HTT: variants seen among roughly 807,000 people sequenced by gnomAD.
The protein encoded by HTT is huntingtin, also known as huntington disease protein.
HTT carries 104 observed loss-of-function variants against 362.3 expected under a neutral mutation model. The observed-to-expected ratio is 0.29, with a 90% CI of 0.24 to 0.34. The LOEUF is 0.34. Among genes scored for constraint, HTT ranks in the 10% least tolerant of loss-of-function variants. The pLI is 1.00. For missense variants in HTT, 3,301 were observed against 3,928.6 expected, an observed-to-expected ratio of 0.84 and a Z score of 4.27; for synonymous variants, 1,577 against 1,548.7, an observed-to-expected ratio of 1.02 and a Z score of -0.43.
At chr4:3,113,101 G>A (rs1234873887) in intron 6 of HTT, 1 of 725,306 alleles carries the variant, frequency 1.4e-6, no homozygotes, top group Non-Finnish European at 1.7e-6. Flanking sequence ...CTAAAATACA[G>A]TATGCCTCCT....
chr4:3,086,875 G>A, intron 1 of HTT, 64 bp from the exon 2 acceptor site: 1 of 823,354 alleles, frequency 1.2e-6, no homozygotes, highest in Non-Finnish European at 2.1e-6. Flanking sequence ...AATGAATGAG[G>A]TGTAGAACTA....
chr4:3,213,337 A>C (rs1310794897), intron 49 of HTT, among the ~76,000 whole-genome samples: 3 of 152,230 alleles, frequency 2.0e-5, no homozygotes, highest in Non-Finnish European at 4.4e-5. Context: ...TTAGTGGGGA[A>C]GTGGGAAAGT....
chr4:3,172,638 G>A (rs1718047341), intron 30 of HTT, among the ~76,000 whole-genome samples: 1 of 152,144 alleles, frequency 6.6e-6, no homozygotes, highest in Admixed American at 6.5e-5. Context: ...CTGCAACCTC[G>A]CTAGTTAACT....
Position 3,131,348 on chromosome 4 carries a change from T to C in HTT, c.2049T>C (p.His683=). The change falls in exon 15 of 67, where the codon CAT becomes CAC. Residue 683 remains histidine (H), a synonymous_variant. Transcript: ENST00000355072. ...STDDDSAPLV[H]CVRLLSASFL... is the part of the protein sequence containing the mutation. ...ATGATGACTCTGCACCTCTTGTCCA[T>C]TGTGTCCGCCTTTTATCTGCTTCGT... 6.2e-7 allele frequency: 1 copy of C among 1,614,126 alleles called. No homozygotes were observed. Among genetic ancestry groups the C allele is most frequent in the Non-Finnish European group, 8.5e-7 (1 of 1,180,020 alleles).
intron 40 of HTT, among the ~76,000 whole-genome samples, chr4:3,191,218 T>A (rs911233323): frequency 6.6e-6 from 1 of 151,718 alleles, no homozygotes; most frequent in Admixed American, 6.6e-5. Context: ...TTGTTGCCCA[T>A]CCTGGAGTGC....
chr4:3,230,483 G>C (rs1020532013), intron 60 of HTT, among the ~76,000 whole-genome samples: 3 of 152,340 alleles, frequency 2.0e-5, no homozygotes, highest in Middle Eastern at 3.4e-3. Flanking sequence ...TCTCCTGGGG[G>C]CCGTTTTGTC....
At chr4:3,147,684 G>C (rs1006623443) in intron 25 of HTT, among the ~76,000 whole-genome samples, 1 of 152,144 alleles carries the variant, frequency 6.6e-6, no homozygotes, top group African/African-American at 2.4e-5. Context: ...GGACTGTAGG[G>C]AAGACACTGA....
chr4:3,174,834 C>T, intron 32 of HTT, 35 bp downstream of exon 32: 6 of 1,597,776 alleles, frequency 3.8e-6, no homozygotes, highest in South Asian at 2.2e-5. Context: ...TGAACTCAGG[C>T]GTGTCAGTGC....
chr4:3,121,367 A>G lies in HTT; in HGVS notation c.1208A>G (p.Gln403Arg), dbSNP rs768758343. The part of the protein sequence containing the change: ...QTLTAVGGIG[Q>R]LTAAKEESGG... ...CTGACCGCAGTCGGGGGCATTGGGC[A>G]GCTCACCGCTGCTAAGGAGGAGTCT... The change falls in exon 9 of 67, where the codon CAG (glutamine) becomes CGG (arginine). Residue 403 changes from glutamine to arginine, a missense_variant. This residue lies in a region of HTT where 2,316 missense variants were observed against 2,658.5 expected (regional missense o/e 0.87). Coordinates refer to ENST00000355072, the MANE Select transcript of HTT (RefSeq NM_001388492.1). The G allele has an allele frequency of 1.9e-6, 3 of 1,614,192 alleles. No homozygotes were observed. Among genetic ancestry groups the G allele is most frequent in the Admixed American group, 1.7e-5 (1 of 60,016 alleles).
At position 3,224,057 on chromosome 4, in the gene HTT, A is replaced by G. The variant is rs978114941; in HGVS notation, c.7691A>G (p.Lys2564Arg). 21 of 1,613,836 alleles carry G rather than the reference A, an allele frequency of 1.3e-5. No homozygotes were observed. The highest frequency in any genetic ancestry group is 1.8e-5 in the Non-Finnish European group (21 of 1,179,780). ...VEQEIQAMVS[K>R]RENIATHHLY... is the part of the protein sequence containing the mutation. ...CAAGAGATTCAAGCAATGGTTTCAA[A>G]GAGAGAGAATATTGCCACCCATCAT... is the stretch of plus-strand genomic sequence containing the variant. The change falls in exon 56 of 67, where the codon AAG becomes AGG. Residue 2564 changes from lysine to arginine, a missense_variant. This residue lies in a region of HTT where 753 missense variants were observed against 1,021.3 expected (regional missense o/e 0.74). Coordinates refer to ENST00000355072, the MANE Select transcript of HTT (RefSeq NM_001388492.1).
intron 24 of HTT, 93 bp from the exon 25 acceptor site, chr4:3,146,704 G>T: frequency 9.1e-7 from 1 of 1,097,676 alleles, no homozygotes; most frequent in South Asian, 1.3e-5. Flanking sequence ...AATGTATTGT[G>T]ACATGCCTTC....
At position 3,225,756 on chromosome 4, in the gene HTT, C is replaced by T; in HGVS notation, c.7848+13C>T. 6.2e-7 allele frequency: 1 copy of T among 1,606,438 alleles called. No individual in the cohort carries two copies. On this transcript the variant is annotated intron_variant, in intron 57 of 66. Transcript: ENST00000355072. ...CAAACTCGGCCAGGTCAGTCTCGCGCCCCCGCCGCCTGGCCTCTGTCCGTT... is the reference window on the plus strand; with the variant it reads ...CAAACTCGGCCAGGTCAGTCTCGCGTCCCCGCCGCCTGGCCTCTGTCCGTT...
chr4:3,131,215 CTGTTGAATGAACTAA>C, intron 14 of HTT, 56 bp from the exon 15 acceptor site: 5 of 1,153,250 alleles, frequency 4.3e-6, no homozygotes, highest in Non-Finnish European at 6.5e-6. Flanking sequence ...CTGGAACTAT[CTGTTGAATGAACTAA>C]TGCATGAATG....
chr4:3,108,232 A>G (rs1378290849), intron 6 of HTT, among the ~76,000 whole-genome samples: 1 of 152,216 alleles, frequency 6.6e-6, no homozygotes, highest in Non-Finnish European at 1.5e-5. Context: ...TGCTCTTATT[A>G]GCTGAATGAT....
chr4:3,141,589 C>T (rs1385042955), intron 22 of HTT, among the ~76,000 whole-genome samples: 1 of 152,144 alleles, frequency 6.6e-6, no homozygotes, highest in African/African-American at 2.4e-5. Flanking sequence ...ATGGCAAAAC[C>T]CACCTCTACT....
intron 2 of HTT, among the ~76,000 whole-genome samples, chr4:3,094,552 A>C (rs1283992556): frequency 2.4e-5 from 3 of 127,118 alleles, no homozygotes; most frequent in Non-Finnish European, 3.3e-5. Context: ...GCTGCCCCCC[A>C]CCTCCCGGAC....
At chr4:3,147,050 A>G (rs940737163) in intron 25 of HTT, 102 bp downstream of exon 25, 34 of 1,106,526 alleles carry the variant, frequency 3.1e-5, no homozygotes, top group African/African-American at 4.6e-5. Flanking sequence ...CTATAAGGTC[A>G]TTGCCAGTGA....
chr4:3,157,463 A>G (rs1717207465), intron 28 of HTT, among the ~76,000 whole-genome samples: 1 of 152,202 alleles, frequency 6.6e-6, no homozygotes. Context: ...TATAGGGGGA[A>G]GTGGCCCTGG....
chr4:3,181,540 G>A (rs1253569258), intron 36 of HTT, among the ~76,000 whole-genome samples: 1 of 152,012 alleles, frequency 6.6e-6, no homozygotes, highest in East Asian at 1.9e-4. Context: ...AACTTGCACT[G>A]TTGTCTAGCC....
Sources: allele counts gnomAD v4.1 joint callset (sites outside exome capture counted in the v4.1 genomes callset), GRCh38; gene constraint gnomAD v4.1.1; regional missense constraint gnomAD v4.1.1; transcripts MANE v1.5; gene names NCBI Gene and HGNC (gene_info 2026-07-23, HGNC 2026-07-21).